SYNE1: variants seen among roughly 807,000 people sequenced by gnomAD.
SYNE1 encodes the protein nesprin-1.
In SYNE1, 616 loss-of-function variants were observed where a neutral mutation model predicts 1,111.0. The ratio of observed to expected loss-of-function variants is 0.55; its 90% CI spans 0.52 to 0.59. The LOEUF is 0.59. Among genes scored for constraint, SYNE1 ranks in the 20% least tolerant of loss-of-function variants. The pLI, the probability that SYNE1 is intolerant of heterozygous loss-of-function variation, is 0.00. For synonymous variants in SYNE1, 3,855 were observed against 3,825.8 expected (o/e 1.01, Z -0.28); for missense variants, 10,006 against 10,417.0 (o/e 0.96, Z 1.72).
intron 3 of SYNE1, among the ~76,000 whole-genome samples, chr6:152,602,340 A>C (rs1205772754): frequency 6.6e-6 from 1 of 152,158 alleles, no homozygotes; most frequent in African/African-American, 2.4e-5. Flanking sequence ...AAATATGAAG[A>C]AGAGATAGGA....
intron 3 of SYNE1, among the ~76,000 whole-genome samples, chr6:152,612,066 C>G (rs962210104): frequency 2.0e-5 from 3 of 149,982 alleles, no homozygotes; most frequent in Admixed American, 2.0e-4. Context: ...AATGGACACC[C>G]TAACATCACA....
chr6:152,419,462 A>C, intron 40 of SYNE1, 107 bp downstream of exon 40: 3 of 1,177,722 alleles, frequency 2.5e-6, no homozygotes, highest in Admixed American at 5.3e-5. Flanking sequence ...TAAAAAGTTA[A>C]ATTCTCACCA....
intron 14 of SYNE1, among the ~76,000 whole-genome samples, chr6:152,477,535 T>C (rs1193966518): frequency 2.0e-5 from 3 of 152,208 alleles, no homozygotes; most frequent in Admixed American, 6.5e-5. Context: ...ATCTTTTCAA[T>C]GAGGCTTCAC....
At chr6:152,340,536 C>A (rs1382188178) in intron 74 of SYNE1, among the ~76,000 whole-genome samples, 4 of 152,190 alleles carry the variant, frequency 2.6e-5, no homozygotes, top group Non-Finnish European at 5.9e-5. Flanking sequence ...TAACAACCAA[C>A]AACGTGTTCA....
intron 74 of SYNE1, among the ~76,000 whole-genome samples, chr6:152,342,448 G>A (rs575377614): frequency 1.3e-5 from 2 of 152,160 alleles, no homozygotes; most frequent in Non-Finnish European, 2.9e-5. Flanking sequence ...GGAGAACTAT[G>A]TTTCATTTGT....
intron 117 of SYNE1, among the ~76,000 whole-genome samples, chr6:152,224,146 T>C (rs1413320202): frequency 6.6e-6 from 1 of 152,206 alleles, no homozygotes; most frequent in African/African-American, 2.4e-5. Flanking sequence ...CCTTAGAATA[T>C]GTTTGGAGAT....
intron 128 of SYNE1, among the ~76,000 whole-genome samples, chr6:152,187,116 G>A (rs2070374743): frequency 6.6e-6 from 1 of 152,148 alleles, no homozygotes; most frequent in Admixed American, 6.5e-5. Context: ...TGTGAAAGTA[G>A]CCAAATTCAT....
At chr6:152,129,837 G>A (rs1012171542) in intron 145 of SYNE1, among the ~76,000 whole-genome samples, 2 of 152,142 alleles carry the variant, frequency 1.3e-5, no homozygotes, top group South Asian at 2.1e-4. Flanking sequence ...TTTCCAGAGG[G>A]ACAAGCTACT....
intron 101 of SYNE1, among the ~76,000 whole-genome samples, chr6:152,257,596 T>A (rs1018501971): frequency 2.6e-5 from 4 of 152,078 alleles, no homozygotes; most frequent in African/African-American, 9.7e-5. Flanking sequence ...GCAAATTTTA[T>A]GAAATAAATG....
At chr6:152,180,433 G>T in intron 128 of SYNE1, 139 bp from the exon 129 acceptor site, 1 of 822,682 alleles carries the variant, frequency 1.2e-6, no homozygotes, top group Non-Finnish European at 1.9e-6. Flanking sequence ...TGAAGTCTAG[G>T]ATTTGCTATT....
In SYNE1 at chr6:152,417,352, T is replaced by G. The variant is rs145200581; in HGVS notation, c.5422-337A>C. On this transcript the variant is annotated intron_variant, in intron 40 of 145. Transcript: ENST00000367255. Reference sequence around the variant, plus strand: ...TCTCTACTAAGAGTACAAAAAATTATCCAGGCGTGGTGGTGGGCGCCTGTA... The same window carrying G: ...TCTCTACTAAGAGTACAAAAAATTAGCCAGGCGTGGTGGTGGGCGCCTGTA... 3.6e-3 allele frequency among the ~76,000 whole-genome samples: 545 copies of G among 152,164 alleles called. 13 individuals carry two copies. The East Asian group carries it at 0.069, about 19-fold the overall frequency.
In SYNE1 at chr6:152,526,242, C is replaced by G. The variant is rs1049495347; in HGVS notation, c.130-67G>C. The stretch of plus-strand genomic sequence containing the variant: ...CCTCTCTGTTTCTCTCTTTCTCTCT[C>G]TCACCTTTGTTACTTATGGTGGTGA... On this transcript the variant is annotated intron_variant, in intron 4 of 145. Coordinates refer to ENST00000367255, the MANE Select transcript of SYNE1 (RefSeq NM_182961.4). 3.3e-6 allele frequency: 5 copies of G among 1,495,156 alleles called. No individual in the cohort carries two copies. The Admixed American group carries it at 5.1e-5, about 15-fold the overall frequency. 92.6% of individuals were successfully genotyped at this position (1,495,156 alleles called of 1,614,324 possible).
chr6:152,180,592 A>G (rs2067718315), intron 128 of SYNE1, among the ~76,000 whole-genome samples: 1 of 152,172 alleles, frequency 6.6e-6, no homozygotes, highest in African/African-American at 2.4e-5. Flanking sequence ...GAAAGAAGAA[A>G]TGGAAAAGAG....
At chr6:152,471,572 C>A (rs2098805836) in intron 16 of SYNE1, 25 bp downstream of exon 16, 2 of 1,612,244 alleles carry the variant, frequency 1.2e-6, no homozygotes, top group East Asian at 4.5e-5. Flanking sequence ...CATAGGAATT[C>A]TCTGTCAAAG....
At chr6:152,636,970 G>T (rs140717859) in intron 1 of SYNE1, 165 bp from the exon 2 acceptor site, 10 of 152,592 alleles carry the variant, frequency 6.6e-5, no homozygotes, top group African/African-American at 2.4e-4. Context: ...TCGCTGGGGG[G>T]TGAGGCCTCC....
intron 3 of SYNE1, among the ~76,000 whole-genome samples, chr6:152,608,100 A>G (rs2099621138): frequency 6.6e-6 from 1 of 152,214 alleles, no homozygotes; most frequent in African/African-American, 2.4e-5. Context: ...ACCATGGCAC[A>G]TGTATCCCTA....
chr6:152,610,879 A>G (rs549540379), intron 3 of SYNE1, among the ~76,000 whole-genome samples: 2 of 152,338 alleles, frequency 1.3e-5, no homozygotes, highest in Admixed American at 1.3e-4. Flanking sequence ...CCAGAATTTC[A>G]TATCCAGCCA....
At chr6:152,514,242 T>C (rs947726189) in intron 6 of SYNE1, among the ~76,000 whole-genome samples, 1 of 152,112 alleles carries the variant, frequency 6.6e-6, no homozygotes, top group African/African-American at 2.4e-5. Flanking sequence ...TGCCCAACAG[T>C]GATAGACTGG....
At chr6:152,534,084 G>T (rs567370225) in intron 4 of SYNE1, among the ~76,000 whole-genome samples, 2 of 151,888 alleles carry the variant, frequency 1.3e-5, no homozygotes, top group Admixed American at 6.6e-5. Context: ...ACTTGAACTC[G>T]GGAGGAGGAG....
Sources: allele counts gnomAD v4.1 joint callset (sites outside exome capture counted in the v4.1 genomes callset), GRCh38; gene constraint gnomAD v4.1.1; transcripts MANE v1.5; gene names NCBI Gene and HGNC (gene_info 2026-07-23, HGNC 2026-07-21).